The following RNF138 variants were observed in gnomAD, a reference collection of about 807,000 sequenced individuals.
RNF138 encodes the protein E3 ubiquitin-protein ligase RNF138.
RNF138 carries 12 observed loss-of-function variants against 31.0 expected under a neutral mutation model. The ratio of observed to expected loss-of-function variants is 0.39; its 90% CI spans 0.25 to 0.63. RNF138 has a LOEUF of 0.63. RNF138 is among the 20% of genes least tolerant of loss of function. RNF138 has a pLI of 0.52. For missense variants in RNF138, 192 were observed against 300.1 expected (o/e 0.64, Z 2.66); for synonymous variants, 105 against 99.5 (o/e 1.06, Z -0.33).
At chr18:32,126,908 T>C (rs950038811) in intron 7 of RNF138, 108 bp downstream of exon 7, 48 of 659,066 alleles carry the variant, frequency 7.3e-5, no homozygotes, top group Admixed American at 2.2e-4. Context: ...TCTTACTGGA[T>C]GGATTTAGAG....
rs375721132 is a variant in RNF138 at position 32,092,800 on chromosome 18, C to G, written c.24C>G (p.Ala8=). Residue 8 remains alanine (A), a synonymous_variant, in exon 2 of 8, where the codon GCC becomes GCG. Coordinates refer to ENST00000261593, the MANE Select transcript of RNF138 (RefSeq NM_016271.5). MAEDLSA[A]TSYTEDDFYC... is the part of the protein sequence containing the mutation. ...CCATGGCCGAGGACCTCTCTGCGGC[C>G]ACGTCCTACACCGAAGATGATTTCT... is the stretch of plus-strand genomic sequence containing the variant. 8.6e-5 allele frequency: 137 copies of G among 1,593,500 alleles called. No homozygotes were observed. The highest frequency in any genetic ancestry group is 1.1e-4 in the Non-Finnish European group (133 of 1,172,940).
chr18:32,129,300 T>G lies in RNF138; in HGVS notation c.*113T>G. The stretch of plus-strand genomic sequence containing the variant: ...GTGTATATTAATAAAAGTAATTCAG[T>G]CATTTTAGTTTTTGATTGAAAATAA... On this transcript the variant is annotated 3_prime_UTR_variant, in exon 8 of 8. Transcript: ENST00000261593. The G allele has an allele frequency of 1.5e-6, 1 of 669,910 alleles. No homozygotes were observed. Among genetic ancestry groups the G allele is most frequent in the Non-Finnish European group, 2.6e-6 (1 of 388,230 alleles). The allele number at this position is 669,910 out of a possible 1,614,324, so 41.5% of individuals were successfully genotyped here. A position where few individuals can be genotyped will look rare whatever the true frequency, so the allele number is the denominator to read the frequency against.
chr18:32,092,590 T>A (rs2039714016), intron 1 of RNF138, 110 bp from the exon 2 acceptor site: 1 of 577,692 alleles, frequency 1.7e-6, no homozygotes, highest in Non-Finnish European at 3.1e-6. Flanking sequence ...GCCCGGCGCG[T>A]GCGGCAGTAG....
At chr18:32,111,720 TTTTGTAA>T (rs2040134680) in intron 2 of RNF138, 27 bp from the exon 3 acceptor site, 1 of 1,563,928 alleles carries the variant, frequency 6.4e-7, no homozygotes, top group Admixed American at 1.9e-5. Context: ...GAGTAATTTT[TTTTGTAA>T]TTAATGTGTC....
intron 2 of RNF138, among the ~76,000 whole-genome samples, chr18:32,101,244 T>C (rs2039934447): frequency 6.6e-6 from 1 of 151,124 alleles, no homozygotes; most frequent in Non-Finnish European, 1.5e-5. Context: ...AGACAGAGTC[T>C]GGCTCTGTTG....
At chr18:32,124,947 G>C (rs2040361234) in intron 6 of RNF138, 102 bp downstream of exon 6, 1 of 660,164 alleles carries the variant, frequency 1.5e-6, no homozygotes, top group South Asian at 1.8e-5. Flanking sequence ...TTTATATTTG[G>C]TTGGGGCATT....
chr18:32,117,285 A>T (rs558587950), intron 4 of RNF138, among the ~76,000 whole-genome samples: 1 of 152,146 alleles, frequency 6.6e-6, no homozygotes, highest in South Asian at 2.1e-4. Context: ...GGCTCTAATT[A>T]TGCGATTTGA....
intron 4 of RNF138, among the ~76,000 whole-genome samples, chr18:32,115,000 T>C (rs2040191970): frequency 6.7e-6 from 1 of 150,194 alleles, no homozygotes; most frequent in South Asian, 2.1e-4. Flanking sequence ...GTTTGAAAGT[T>C]GTTGCTCTTA....
chr18:32,094,642 A>G (rs141437350), intron 2 of RNF138, among the ~76,000 whole-genome samples: 1 of 152,200 alleles, frequency 6.6e-6, no homozygotes, highest in Admixed American at 6.5e-5. Flanking sequence ...CTAGGGCACA[A>G]TATAGATCTT....
At chr18:32,092,386 C>T (rs1216543576) in intron 1 of RNF138, among the ~76,000 whole-genome samples, 151 bp downstream of exon 1, 1 of 150,312 alleles carries the variant, frequency 6.7e-6, no homozygotes, top group Non-Finnish European at 1.5e-5. Context: ...TGGGCGAAGA[C>T]GGGGGCTGAG....
At chr18:32,127,550 G>GTTAAATGGTTT (rs1273851685) in intron 7 of RNF138, among the ~76,000 whole-genome samples, 2 of 152,066 alleles carry the variant, frequency 1.3e-5, no homozygotes, top group Admixed American at 6.6e-5. Flanking sequence ...CATCATTCTT[G>GTTAAATGGTTT]TTAAATGGTT....
intron 6 of RNF138, among the ~76,000 whole-genome samples, chr18:32,125,697 CGA>C (rs2040372673): frequency 6.6e-6 from 1 of 152,026 alleles, no homozygotes; most frequent in African/African-American, 2.4e-5. Context: ...TTTGGGAGGC[CGA>C]GAGGGGAGGA....
rs140426591 is a variant in RNF138, at chr18:32,106,215, G to A, written c.111-5539G>A. 2.4e-4 allele frequency among the ~76,000 whole-genome samples: 37 copies of A among 152,300 alleles called. 1 individual carries two copies. The highest frequency in any genetic ancestry group is 8.7e-4 in the African/African-American group (36 of 41,564). ...GTTTGGGTTTTGTTAGTAGTCTGGC[G>A]ACAAGGTTGCACGAGTGGTCTATTC... On this transcript the variant is annotated intron_variant, in intron 2 of 7. Transcript: ENST00000261593.
Position 32,111,304 on chromosome 18 carries a change from C to T in RNF138, c.111-450C>T, listed in dbSNP as rs544453305. ...GTTTATGTCTTGTGGAACAACATGT[C>T]GATATACATCAGTTTGAGACAAAAG... On this transcript the variant is annotated intron_variant, in intron 2 of 7. Transcript: ENST00000261593. 5.3e-5 allele frequency among the ~76,000 whole-genome samples: 8 copies of T among 152,220 alleles called. No homozygotes were observed. In the East Asian group the frequency reaches 1.2e-3, roughly 22 times the overall value.
intron 4 of RNF138, among the ~76,000 whole-genome samples, chr18:32,119,785 A>G (rs1383688963): frequency 6.6e-6 from 1 of 152,220 alleles, no homozygotes; most frequent in Non-Finnish European, 1.5e-5. Context: ...AATGTTTTAT[A>G]TCTTTTTCTA....
rs1414039064 is a variant in RNF138, at chr18:32,129,903, A to ACTAAG, written c.*719_*723dup. 2 of 152,306 alleles carry ACTAAG rather than the reference A, an allele frequency of 1.3e-5. No homozygotes were observed. Among genetic ancestry groups the ACTAAG allele is most frequent in the Non-Finnish European group, 2.9e-5 (2 of 67,950 alleles). 9.4% of individuals were successfully genotyped at this position (152,306 alleles called of 1,614,324 possible). The stretch of plus-strand genomic sequence containing the variant: ...TGACTGATTTGTAAGCCTAGAATAT[A>ACTAAG]CTAAGCTGAATAACAGCTCTTTGGC... On this transcript the variant is annotated 3_prime_UTR_variant, in exon 8 of 8. Coordinates refer to ENST00000261593, the MANE Select transcript of RNF138 (RefSeq NM_016271.5).
Position 32,092,696 on chromosome 18 carries a change from G to A in RNF138, c.-77-4G>A. On this transcript the variant is annotated splice_region_variant and splice_polypyrimidine_tract_variant and intron_variant, in intron 1 of 7. Transcript: ENST00000261593. ...ATCCCCCTCCCCCCTCCGGGTTCAT[G>A]TAGGGAGTCGGGCCCCGGGCCGCCA... is the stretch of plus-strand genomic sequence containing the variant. 1 of 808,498 alleles carries A rather than the reference G, an allele frequency of 1.2e-6. No individual in the cohort carries two copies. The highest frequency in any genetic ancestry group is 2.1e-6 in the Non-Finnish European group (1 of 484,900). The allele number at this position is 808,498 out of a possible 1,614,324, so 50.1% of individuals were successfully genotyped here.
intron 4 of RNF138, among the ~76,000 whole-genome samples, chr18:32,114,880 A>G (rs1217207652): frequency 1.3e-5 from 2 of 151,898 alleles, no homozygotes; most frequent in Admixed American, 6.6e-5. Context: ...AATTTCTGGT[A>G]AAAACCTTTA....
chr18:32,125,761 G>C (rs10048287), intron 6 of RNF138, among the ~76,000 whole-genome samples: 64,943 of 151,600 alleles, frequency 0.43, 15,099 homozygotes, highest in East Asian at 0.64. Context: ...GTGAGACCCT[G>C]TCTATTTAAA....
Sources: allele counts gnomAD v4.1 joint callset (sites outside exome capture counted in the v4.1 genomes callset), GRCh38; gene constraint gnomAD v4.1.1; transcripts MANE v1.5; gene names NCBI Gene and HGNC (gene_info 2026-07-23, HGNC 2026-07-21).